Variants in FRMD4A observed in about 807,000 individuals in gnomAD.
FRMD4A encodes the protein FERM domain containing 4A.
A neutral mutation model predicts 129.1 loss-of-function variants in FRMD4A; 29 were observed. The observed-to-expected ratio is 0.22, with a 90% confidence interval of 0.17 to 0.31. The LOEUF (loss-of-function observed/expected upper bound fraction) is 0.31, where lower values mean the gene tolerates loss of function less well. Among genes scored for constraint, FRMD4A ranks in the 10% least tolerant of loss-of-function variants. FRMD4A has a pLI of 1.00. For synonymous variants in FRMD4A, 634 were observed against 571.6 expected (o/e 1.11, Z -1.56); for missense variants, 1,272 against 1,375.8 (o/e 0.92, Z 1.19).
chr10:14,083,634 G>A (rs1018773581), intron 2 of FRMD4A: 1 of 152,378 alleles, frequency 6.6e-6, no homozygotes, highest in African/African-American at 2.4e-5. Context: ...ATTTGACAGA[G>A]GACTTGGACA....
chr10:13,998,492 C>T (rs1588714974), intron 2 of FRMD4A, among the ~76,000 whole-genome samples: 1 of 152,332 alleles, frequency 6.6e-6, no homozygotes, highest in South Asian at 2.1e-4. Flanking sequence ...TAACATCCTA[C>T]TGTATATCTC....
At chr10:13,662,581 G>A in intron 19 of FRMD4A, among the ~76,000 whole-genome samples, 1 of 152,156 alleles carries the variant, frequency 6.6e-6, no homozygotes, top group East Asian at 1.9e-4. Context: ...CCGACGTATG[G>A]TGGTGATGGG....
intron 2 of FRMD4A, among the ~76,000 whole-genome samples, chr10:13,926,654 A>G (rs543362005): frequency 2.0e-5 from 3 of 152,298 alleles, no homozygotes; most frequent in East Asian, 3.9e-4. Context: ...AAGACAGGAC[A>G]TTTGTTTCAC....
chr10:13,699,702 C>G (rs2086619169), intron 14 of FRMD4A, among the ~76,000 whole-genome samples: 1 of 152,140 alleles, frequency 6.6e-6, no homozygotes, highest in African/African-American at 2.4e-5. Flanking sequence ...CTAACCCCCA[C>G]CATCCATCAC....
intron 5 of FRMD4A, among the ~76,000 whole-genome samples, chr10:13,787,060 C>A (rs1157600824): frequency 6.6e-6 from 1 of 152,160 alleles, no homozygotes; most frequent in Non-Finnish European, 1.5e-5. Flanking sequence ...TGACTGCCTT[C>A]ATTTCCACCA....
chr10:13,814,339 C>T (rs2093498901), intron 3 of FRMD4A, among the ~76,000 whole-genome samples: 1 of 151,136 alleles, frequency 6.6e-6, no homozygotes, highest in Admixed American at 6.6e-5. Context: ...GCCTATAATC[C>T]CAGCACTTTG....
intron 2 of FRMD4A, among the ~76,000 whole-genome samples, chr10:13,873,674 G>A (rs1005009017): frequency 3.9e-5 from 6 of 152,092 alleles, no homozygotes; most frequent in African/African-American, 1.4e-4. Context: ...AGCCTCCCGA[G>A]CAGCTGAGAT....
At chr10:13,911,591 C>T (rs1352383981) in intron 2 of FRMD4A, among the ~76,000 whole-genome samples, 1 of 152,100 alleles carries the variant, frequency 6.6e-6, no homozygotes, top group Non-Finnish European at 1.5e-5. Flanking sequence ...GAGACAGAGT[C>T]TTGCTCTGTT....
intron 2 of FRMD4A, among the ~76,000 whole-genome samples, chr10:14,136,667 G>T (rs1190700509): frequency 6.7e-6 from 1 of 150,360 alleles, no homozygotes; most frequent in Non-Finnish European, 1.5e-5. Flanking sequence ...CCCCACCCCT[G>T]CCCATCCCCA....
Position 13,850,092 on chromosome 10 carries a change from C to A in FRMD4A, c.111+8755G>T, listed in dbSNP as rs535595898. Among the ~76,000 whole-genome samples the A allele has an allele frequency of 2.0e-5, 3 of 151,876 alleles. No homozygotes were observed. The South Asian group carries it at 6.3e-4, about 32-fold the overall frequency. ...GCTGAGGCAGGAGAAGCACTTGAAC[C>A]CAGGAGGCTGAGGCAGGAGAATTGC... On this transcript the variant is annotated intron_variant, in intron 3 of 24. Coordinates refer to ENST00000357447, the MANE Select transcript of FRMD4A (RefSeq NM_018027.5).
At position 13,761,574 on chromosome 10, in the gene FRMD4A, C is replaced by T; in HGVS notation, c.464+73G>A. The stretch of plus-strand genomic sequence containing the variant: ...AAATTGTCCACCTAAAAAGGACATC[C>T]TGATTAGTTTCTTTTAATAGAGAAG... On this transcript the variant is annotated intron_variant, in intron 8 of 24. Transcript: ENST00000357447. 5 of 1,009,228 alleles carry T rather than the reference C, an allele frequency of 5.0e-6. 1 individual carries two copies. The East Asian group carries it at 9.5e-5, about 19-fold the overall frequency. 62.5% of individuals were successfully genotyped at this position (1,009,228 alleles called of 1,614,324 possible). A position where few individuals can be genotyped will look rare whatever the true frequency, so the allele number is the denominator to read the frequency against.
At chr10:13,979,497 T>C (rs2095553235) in intron 2 of FRMD4A, among the ~76,000 whole-genome samples, 1 of 152,174 alleles carries the variant, frequency 6.6e-6, no homozygotes, top group African/African-American at 2.4e-5. Flanking sequence ...GGAGGATTGC[T>C]CAGTGAGGAG....
chr10:14,009,174 C>A (rs1383856659), intron 2 of FRMD4A, among the ~76,000 whole-genome samples: 1 of 152,202 alleles, frequency 6.6e-6, no homozygotes, highest in African/African-American at 2.4e-5. Flanking sequence ...TAAATGGTCT[C>A]AAACGTTAAC....
chr10:14,267,972 A>T (rs934913733), intron 2 of FRMD4A, among the ~76,000 whole-genome samples: 1 of 152,216 alleles, frequency 6.6e-6, no homozygotes, highest in Non-Finnish European at 1.5e-5. Context: ...GTAGTCATTC[A>T]TTAGTGGGTA....
At chr10:14,235,142 G>T (rs1843759974) in intron 2 of FRMD4A, among the ~76,000 whole-genome samples, 1 of 102,258 alleles carries the variant, frequency 9.8e-6, no homozygotes, top group Non-Finnish European at 2.1e-5. Flanking sequence ...GGGCTTTATA[G>T]GTAACCTAAG....
chr10:14,197,954 G>T lies in FRMD4A; in HGVS notation c.45+132104C>A, dbSNP rs1842519945. ...TACCAGCACTAACTGCTTGCCTGGA[G>T]TTTCCGCTCTGGCTCTTTGGTGAGC... On this transcript the variant is annotated intron_variant, in intron 2 of 24. Transcript: ENST00000357447. Among the ~76,000 whole-genome samples, 3 of 152,196 alleles carry T rather than the reference G, an allele frequency of 2.0e-5. No individual in the cohort carries two copies. The South Asian group carries it at 6.2e-4, about 31-fold the overall frequency.
At chr10:13,941,043 G>A (rs1320382526) in intron 2 of FRMD4A, among the ~76,000 whole-genome samples, 3 of 152,184 alleles carry the variant, frequency 2.0e-5, no homozygotes, top group Non-Finnish European at 2.9e-5. Flanking sequence ...CCTAGTATCC[G>A]AGAACCATGG....
chr10:13,822,699 G>C (rs1396000955), intron 3 of FRMD4A, among the ~76,000 whole-genome samples: 1 of 152,132 alleles, frequency 6.6e-6, no homozygotes, highest in Non-Finnish European at 1.5e-5. Context: ...AGAGCCACTG[G>C]GTTTCAATCA....
Position 13,837,334 on chromosome 10 carries a change from G to A in FRMD4A, c.111+21513C>T, listed in dbSNP as rs922404286. ...AACTTCTCCCAAAGCCTACTGGGCC[G>A]AGCCCAGCAAGGTTCAGGGGCCCTG... On this transcript the variant is annotated intron_variant, in intron 3 of 24. Coordinates refer to ENST00000357447, the MANE Select transcript of FRMD4A (RefSeq NM_018027.5). Among the ~76,000 whole-genome samples, 8 of 152,142 alleles carry A rather than the reference G, an allele frequency of 5.3e-5. No homozygotes were observed. In the South Asian group the frequency reaches 8.3e-4, roughly 16 times the overall value.
Sources: gnomAD v4.1 joint callset for allele counts (sites outside exome capture counted in the v4.1 genomes callset) on GRCh38, gnomAD v4.1.1 for gene constraint, MANE v1.5 for transcripts, NCBI Gene and HGNC (gene_info 2026-07-23, HGNC 2026-07-21) for gene names.